Variants in SETBP1 observed in about 807,000 individuals in gnomAD.
The protein encoded by SETBP1 is SET binding protein 1, also known as SET-binding protein.
In SETBP1, 9 loss-of-function variants were observed where a neutral mutation model predicts 101.0. The ratio of observed to expected loss-of-function variants is 0.09; its 90% confidence interval spans 0.05 to 0.16. The LOEUF (loss-of-function observed/expected upper bound fraction) is 0.16, where lower values mean the gene tolerates loss of function less well. SETBP1 is among the 10% of genes least tolerant of loss of function. The pLI is 1.00. For synonymous variants in SETBP1, 818 were observed against 788.5 expected (o/e 1.04, Z -0.63); for missense variants, 1,858 against 2,033.8 (o/e 0.91, Z 1.66).
chr18:44,853,679 G>A (rs1262797145), intron 2 of SETBP1, among the ~76,000 whole-genome samples: 3 of 152,238 alleles, frequency 2.0e-5, no homozygotes, highest in Non-Finnish European at 4.4e-5. Flanking sequence ...AGCTGAATAT[G>A]TGAAATGATA....
At chr18:45,018,926 A>G (rs1009353357) in intron 4 of SETBP1, among the ~76,000 whole-genome samples, 3 of 152,224 alleles carry the variant, frequency 2.0e-5, no homozygotes, top group Non-Finnish European at 4.4e-5. Flanking sequence ...AGCAGGAAGG[A>G]ACCTAGGACA....
At chr18:44,884,248 G>A (rs1010241902) in intron 3 of SETBP1, among the ~76,000 whole-genome samples, 7 of 152,204 alleles carry the variant, frequency 4.6e-5, no homozygotes, top group African/African-American at 1.7e-4. Flanking sequence ...GAGCCTCAGT[G>A]TTCTCATGCA....
chr18:44,884,970 T>A (rs2144753509), intron 3 of SETBP1, among the ~76,000 whole-genome samples: 1 of 152,272 alleles, frequency 6.6e-6, no homozygotes, highest in South Asian at 2.1e-4. Flanking sequence ...GAATTTAAAA[T>A]CATCTTAAAT....
At chr18:44,817,059 C>T (rs2071994220) in intron 2 of SETBP1, among the ~76,000 whole-genome samples, 2 of 152,168 alleles carry the variant, frequency 1.3e-5, no homozygotes, top group East Asian at 1.9e-4. Flanking sequence ...TACCCTCAAT[C>T]GACAGGAGGC....
At chr18:44,795,578 G>A (rs187022035) in intron 2 of SETBP1, among the ~76,000 whole-genome samples, 233 of 152,296 alleles carry the variant, frequency 1.5e-3, no homozygotes, top group Non-Finnish European at 2.5e-3. Context: ...ATGAAAACCT[G>A]AAGAATGTTT....
At chr18:44,844,350 C>CGT (rs1300341678) in intron 2 of SETBP1, among the ~76,000 whole-genome samples, 16 of 95,666 alleles carry the variant, frequency 1.7e-4, no homozygotes, top group South Asian at 8.3e-4. Flanking sequence ...TGCACACACG[C>CGT]GCGCACACAC....
intron 2 of SETBP1, among the ~76,000 whole-genome samples, chr18:44,702,996 G>T (rs1281477500): frequency 6.6e-6 from 1 of 152,172 alleles, no homozygotes; most frequent in Non-Finnish European, 1.5e-5. Flanking sequence ...GAATGAATGA[G>T]TTCATATTTC....
rs1044080115 is a variant in SETBP1, at chr18:44,974,661, G to A, written c.4000+21321G>A. On this transcript the variant is annotated intron_variant, in intron 4 of 5. Transcript: ENST00000649279. ...TGGTAACACAAAACCCAAACAAACCGCAAATATATATTTGTATATATTTAA... is the reference window on the plus strand; with the variant it reads ...TGGTAACACAAAACCCAAACAAACCACAAATATATATTTGTATATATTTAA... 3.3e-4 allele frequency among the ~76,000 whole-genome samples: 50 copies of A among 152,030 alleles called. 1 individual carries two copies. Among genetic ancestry groups the A allele is most frequent in the Non-Finnish European group, 1.6e-4 (11 of 68,006 alleles).
At position 44,787,717 on chromosome 18, in the gene SETBP1, G is replaced by A. The variant is rs576897704; in HGVS notation, c.487-81513G>A. Among the ~76,000 whole-genome samples the A allele has an allele frequency of 1.9e-3, 282 of 146,516 alleles. 2 individuals carry two copies. Among genetic ancestry groups the A allele is most frequent in the African/African-American group, 6.7e-3 (267 of 39,628 alleles). The stretch of plus-strand genomic sequence containing the variant: ...AAAATACAAAAAATTAGCCGGGCGC[G>A]GTGGCGGGCGCCTGTAGTCCCAGCT... On this transcript the variant is annotated intron_variant, in intron 2 of 5. Coordinates refer to ENST00000649279, the MANE Select transcript of SETBP1 (RefSeq NM_015559.3).
intron 4 of SETBP1, among the ~76,000 whole-genome samples, chr18:45,009,459 G>A (rs2072793945): frequency 6.6e-6 from 1 of 151,718 alleles, no homozygotes; most frequent in African/African-American, 2.4e-5. Flanking sequence ...GGCTTTAAGA[G>A]GGTATGGAAG....
chr18:45,023,389 A>G (rs1443504934), intron 4 of SETBP1, among the ~76,000 whole-genome samples: 13 of 152,252 alleles, frequency 8.5e-5, no homozygotes, highest in Non-Finnish European at 1.9e-4. Context: ...TTGTTTCATC[A>G]ACTGGATATT....
chr18:45,032,074 T>C (rs1245693175), intron 4 of SETBP1, among the ~76,000 whole-genome samples: 1 of 152,206 alleles, frequency 6.6e-6, no homozygotes, highest in Admixed American at 6.5e-5. Flanking sequence ...ACTTTTAATA[T>C]TGAGAGTTCT....
intron 5 of SETBP1, among the ~76,000 whole-genome samples, chr18:45,041,222 T>A (rs951592192): frequency 6.6e-6 from 1 of 152,232 alleles, no homozygotes; most frequent in Non-Finnish European, 1.5e-5. Context: ...TATGGACTTC[T>A]ACTTCTTTTG....
At chr18:44,722,125 A>T (rs187325723) in intron 2 of SETBP1, among the ~76,000 whole-genome samples, 2 of 152,268 alleles carry the variant, frequency 1.3e-5, no homozygotes, top group African/African-American at 4.8e-5. Flanking sequence ...TGTATGTGAG[A>T]GGGCATCTGC....
chr18:44,835,320 C>T (rs1414857683), intron 2 of SETBP1, among the ~76,000 whole-genome samples: 5 of 152,264 alleles, frequency 3.3e-5, no homozygotes, highest in Non-Finnish European at 7.4e-5. Context: ...CTAAGCCAGC[C>T]TTCAAAGGTT....
chr18:45,045,428 C>T (rs2145526167), intron 5 of SETBP1, among the ~76,000 whole-genome samples: 1 of 152,296 alleles, frequency 6.6e-6, no homozygotes, highest in Middle Eastern at 3.4e-3. Context: ...AAGCTCCATC[C>T]TCCCCTCCAA....
intron 3 of SETBP1, among the ~76,000 whole-genome samples, chr18:44,913,552 G>T (rs970126486): frequency 6.6e-6 from 1 of 152,242 alleles, no homozygotes; most frequent in Non-Finnish European, 1.5e-5. Context: ...ACTTGAACAT[G>T]TAGGGCACGA....
chr18:45,020,676 A>G (rs577774600), intron 4 of SETBP1, among the ~76,000 whole-genome samples: 5 of 152,278 alleles, frequency 3.3e-5, no homozygotes, highest in South Asian at 2.1e-4. Context: ...AGAGCTAAAG[A>G]TAAGTGAGTC....
At chr18:44,741,585 A>G (rs894767356) in intron 2 of SETBP1, among the ~76,000 whole-genome samples, 10 of 149,542 alleles carry the variant, frequency 6.7e-5, no homozygotes, top group African/African-American at 2.4e-4. Flanking sequence ...CAAGGAGATA[A>G]TTGCCTTAGT....
Sources: allele counts gnomAD v4.1 joint callset (sites outside exome capture counted in the v4.1 genomes callset), GRCh38; gene constraint gnomAD v4.1.1; transcripts MANE v1.5; gene names NCBI Gene and HGNC (gene_info 2026-07-23, HGNC 2026-07-21).